Variants in XYLT1 observed in about 807,000 individuals in gnomAD.
XYLT1 encodes the protein beta-D-xylosyltransferase 1.
XYLT1 carries 36 observed loss-of-function variants against 91.3 expected under a neutral mutation model. That is an observed-to-expected ratio of 0.39 (90% CI 0.30 to 0.52). XYLT1 has a LOEUF of 0.52. Ranked by LOEUF, XYLT1 falls within the 20% of genes least tolerant of loss-of-function variation. The pLI, the probability that XYLT1 is intolerant of heterozygous loss-of-function variation, is 0.68. For synonymous variants in XYLT1, 588 were observed against 532.0 expected (o/e 1.11, Z -1.45); for missense variants, 1,242 against 1,284.5 (o/e 0.97, Z 0.51).
intron 2 of XYLT1, among the ~76,000 whole-genome samples, chr16:17,321,355 T>C (rs1165546409): frequency 1.8e-5 from 2 of 110,308 alleles, no homozygotes; most frequent in African/African-American, 4.2e-5. Context: ...TTTTTTTTTT[T>C]TTTTTTTTTT....
At chr16:17,140,693 T>G (rs926064396) in intron 7 of XYLT1, among the ~76,000 whole-genome samples, 23 of 137,262 alleles carry the variant, frequency 1.7e-4, no homozygotes, top group Non-Finnish European at 2.8e-4. Context: ...AAAAAAAAAG[T>G]TGATGTGGGT....
intron 8 of XYLT1, among the ~76,000 whole-genome samples, chr16:17,137,846 T>TGAGAAAC (rs2030800932): frequency 6.6e-6 from 1 of 152,174 alleles, no homozygotes; most frequent in African/African-American, 2.4e-5. Context: ...TGATGAGGGT[T>TGAGAAAC]TCTCAACCAG....
intron 5 of XYLT1, among the ~76,000 whole-genome samples, chr16:17,161,987 T>TA (rs986034472): frequency 2.6e-5 from 4 of 152,014 alleles, no homozygotes; most frequent in African/African-American, 7.2e-5. Context: ...TCGAAATGAA[T>TA]AAAAAAATGA....
chr16:17,193,723 T>C (rs1223207949), intron 5 of XYLT1: 1 of 152,280 alleles, frequency 6.6e-6, no homozygotes, highest in East Asian at 1.9e-4. Context: ...GGAGAAGTAG[T>C]GGTTTTGGAA....
At chr16:17,404,103 G>A (rs1001376727) in intron 1 of XYLT1, among the ~76,000 whole-genome samples, 3 of 150,872 alleles carry the variant, frequency 2.0e-5, no homozygotes, top group South Asian at 4.2e-4. Context: ...GTGTGGTTGG[G>A]GGGGGGGCTC....
At chr16:17,311,501 G>A (rs972722406) in intron 2 of XYLT1, among the ~76,000 whole-genome samples, 2 of 152,162 alleles carry the variant, frequency 1.3e-5, no homozygotes, top group Non-Finnish European at 2.9e-5. Context: ...TGATGCAGCT[G>A]CTGTTGGTTC....
chr16:17,264,384 C>T (rs923446152), intron 2 of XYLT1, among the ~76,000 whole-genome samples: 1 of 152,210 alleles, frequency 6.6e-6, no homozygotes, highest in Non-Finnish European at 1.5e-5. Flanking sequence ...CAGAGTTCAT[C>T]CATGTTGCTG....
In XYLT1 at chr16:17,197,016, TATATATATATATATAG is replaced by T. The variant is rs945403652; in HGVS notation, c.1289+1180_1289+1195del. Among the ~76,000 whole-genome samples the T allele has an allele frequency of 2.2e-4, 25 of 116,090 alleles. 2 individuals are homozygous for T. The highest frequency in any genetic ancestry group is 5.8e-4 in the Admixed American group (7 of 12,116). The allele number at this position is 116,090 out of a possible 152,430, so 76.2% of individuals were successfully genotyped here. A position where few individuals can be genotyped will look rare whatever the true frequency, so the allele number is the denominator to read the frequency against. On this transcript the variant is annotated intron_variant, in intron 5 of 11. Transcript: ENST00000261381. ...ACAGAGCGAGACTCTGTCTCCAAAATATATATATATATATAGATATATATACCGTTCAGAATATCAT... is the reference window on the plus strand; with the variant it reads ...ACAGAGCGAGACTCTGTCTCCAAAATATATATATACCGTTCAGAATATCAT...
chr16:17,151,112 G>C (rs866462480), intron 6 of XYLT1, among the ~76,000 whole-genome samples: 33 of 152,332 alleles, frequency 2.2e-4, no homozygotes, highest in African/African-American at 7.9e-4. Flanking sequence ...TAGGGAGTCA[G>C]TGCAGCATGG....
At chr16:17,288,499 T>C (rs996636394) in intron 2 of XYLT1, among the ~76,000 whole-genome samples, 6 of 152,210 alleles carry the variant, frequency 3.9e-5, no homozygotes, top group Non-Finnish European at 7.3e-5. Flanking sequence ...ACTGTACTGA[T>C]GGTCCCAAGC....
At chr16:17,205,618 T>C (rs775804028) in intron 3 of XYLT1, among the ~76,000 whole-genome samples, 6 of 152,196 alleles carry the variant, frequency 3.9e-5, no homozygotes, top group Non-Finnish European at 5.9e-5. Flanking sequence ...ATCATTTCTA[T>C]GTGGCTGCTC....
At chr16:17,220,962 CTGTTT>C (rs1285700742) in intron 3 of XYLT1, among the ~76,000 whole-genome samples, 2 of 152,168 alleles carry the variant, frequency 1.3e-5, no homozygotes. Flanking sequence ...GATTGGCTTT[CTGTTT>C]TATCTCTGTC....
intron 1 of XYLT1, among the ~76,000 whole-genome samples, chr16:17,469,175 G>T (rs927676392): frequency 6.6e-6 from 1 of 152,240 alleles, no homozygotes; most frequent in Non-Finnish European, 1.5e-5. Context: ...AGACTCCGAA[G>T]AAGTTTAGCA....
intron 2 of XYLT1, among the ~76,000 whole-genome samples, chr16:17,273,900 G>A (rs1402782106): frequency 6.6e-6 from 1 of 151,434 alleles, no homozygotes; most frequent in Non-Finnish European, 1.5e-5. Context: ...TCATTCATTC[G>A]GTCAGTCAGT....
intron 2 of XYLT1, among the ~76,000 whole-genome samples, chr16:17,294,515 G>A (rs956637425): frequency 2.0e-5 from 3 of 152,192 alleles, no homozygotes; most frequent in Admixed American, 6.5e-5. Context: ...TTTATTCAGA[G>A]CATGGGGTGG....
At chr16:17,110,998 A>G (rs529411152) in intron 11 of XYLT1, among the ~76,000 whole-genome samples, 2 of 152,266 alleles carry the variant, frequency 1.3e-5, no homozygotes, top group East Asian at 1.9e-4. Flanking sequence ...CGTCTCTACT[A>G]AAAATACAAA....
intron 3 of XYLT1, among the ~76,000 whole-genome samples, chr16:17,218,591 T>G (rs543017396): frequency 6.6e-6 from 1 of 152,140 alleles, no homozygotes; most frequent in Non-Finnish European, 1.5e-5. Context: ...AGGTCCTAAT[T>G]TGGTCTTCAA....
chr16:17,426,046 A>T (rs2036314320), intron 1 of XYLT1, among the ~76,000 whole-genome samples: 1 of 152,196 alleles, frequency 6.6e-6, no homozygotes, highest in African/African-American at 2.4e-5. Context: ...GAGAATGAAT[A>T]AATTCAGGAA....
chr16:17,407,862 G>A (rs2036054188), intron 1 of XYLT1, among the ~76,000 whole-genome samples: 1 of 152,226 alleles, frequency 6.6e-6, no homozygotes, highest in Admixed American at 6.5e-5. Flanking sequence ...GGTTTTGAGG[G>A]TGGATCCCTC....
Sources: allele counts gnomAD v4.1 joint callset (sites outside exome capture counted in the v4.1 genomes callset), GRCh38; gene constraint gnomAD v4.1.1; transcripts MANE v1.5; gene names NCBI Gene and HGNC (gene_info 2026-07-23, HGNC 2026-07-21).